The following RGS7BP variants were observed in gnomAD, a reference collection of about 807,000 sequenced individuals.
RGS7BP encodes the protein regulator of G protein signaling 7 binding protein, also known as regulator of G protein signaling 7-binding protein.
A neutral mutation model predicts 31.3 loss-of-function variants in RGS7BP; 9 were observed. The ratio of observed to expected loss-of-function variants is 0.29; its 90% confidence interval spans 0.17 to 0.50. RGS7BP has a LOEUF of 0.50. Among genes scored for constraint, RGS7BP ranks in the 20% least tolerant of loss-of-function variants. RGS7BP has a pLI of 0.98. For synonymous variants in RGS7BP, 115 were observed against 120.1 expected, an observed-to-expected ratio of 0.96 and a Z score of 0.28; for missense variants, 274 against 322.0, an observed-to-expected ratio of 0.85 and a Z score of 1.14.
chr5:64,528,470 G>A (rs935146625), intron 2 of RGS7BP, among the ~76,000 whole-genome samples: 1 of 152,096 alleles, frequency 6.6e-6, no homozygotes, highest in Non-Finnish European at 1.5e-5. Flanking sequence ...TAACAAACAT[G>A]TGACTTCAGA....
chr5:64,560,953 T>C lies in RGS7BP; in HGVS notation c.333-14821T>C, dbSNP rs540401739. ...TTTTCCCTTAATGCATTCATTTTTG[T>C]GTGTGCAGAAAAGAGCACAAAAAGT... On this transcript the variant is annotated intron_variant, in intron 2 of 5. Coordinates refer to ENST00000334025, the MANE Select transcript of RGS7BP (RefSeq NM_001029875.3). Among the ~76,000 whole-genome samples, 270 of 152,262 alleles carry C rather than the reference T, an allele frequency of 1.8e-3. 1 individual carries two copies. The highest frequency in any genetic ancestry group is 6.4e-3 in the African/African-American group (268 of 41,574).
intron 2 of RGS7BP, among the ~76,000 whole-genome samples, chr5:64,569,422 T>G (rs1742253841): frequency 6.6e-6 from 1 of 152,276 alleles, no homozygotes; most frequent in African/African-American, 2.4e-5. Context: ...GAAAAATGTC[T>G]TATTTCTATT....
chr5:64,577,187 C>T (rs1204746171), intron 3 of RGS7BP, among the ~76,000 whole-genome samples: 1 of 152,108 alleles, frequency 6.6e-6, no homozygotes, highest in Non-Finnish European at 1.5e-5. Context: ...GCCTGTAATC[C>T]CAGCGCTTTG....
At chr5:64,561,184 T>G (rs902030308) in intron 2 of RGS7BP, among the ~76,000 whole-genome samples, 1 of 152,100 alleles carries the variant, frequency 6.6e-6, no homozygotes, top group African/African-American at 2.4e-5. Context: ...TCCTCTGAGC[T>G]AGGCAGAAAA....
At chr5:64,544,182 G>A (rs1019105952) in intron 2 of RGS7BP, among the ~76,000 whole-genome samples, 1 of 152,226 alleles carries the variant, frequency 6.6e-6, no homozygotes, top group Non-Finnish European at 1.5e-5. Flanking sequence ...ACAAAAGTGA[G>A]CAAGACACAG....
chr5:64,516,405 T>A (rs1319127063), intron 2 of RGS7BP, among the ~76,000 whole-genome samples: 1 of 152,184 alleles, frequency 6.6e-6, no homozygotes, highest in Non-Finnish European at 1.5e-5. Flanking sequence ...CACCTGTTAG[T>A]TCACAGATGT....
intron 3 of RGS7BP, among the ~76,000 whole-genome samples, chr5:64,582,871 C>G (rs1321785798): frequency 6.6e-6 from 1 of 152,018 alleles, no homozygotes; most frequent in Non-Finnish European, 1.5e-5. Flanking sequence ...ATAAAAGAAG[C>G]CAGCAAAATA....
chr5:64,537,175 T>C (rs1580408162), intron 2 of RGS7BP, among the ~76,000 whole-genome samples: 2 of 152,320 alleles, frequency 1.3e-5, no homozygotes, highest in East Asian at 3.9e-4. Flanking sequence ...AGTCCAGGGG[T>C]GTCCAATCTT....
Position 64,609,508 on chromosome 5 carries a change from C to A in RGS7BP, c.*256C>A. ...TTAAAGCTGACATTGTGCATGTCTG[C>A]TCCAAACCACGCCATGACAGATGCA... On this transcript the variant is annotated 3_prime_UTR_variant, in exon 6 of 6. Transcript: ENST00000334025. 1 of 464,270 alleles carries A rather than the reference C, an allele frequency of 2.2e-6. No homozygotes were observed. Among genetic ancestry groups the A allele is most frequent in the Non-Finnish European group, 3.9e-6 (1 of 255,192 alleles). The allele number at this position is 464,270 out of a possible 1,614,324, so 28.8% of individuals were successfully genotyped here.
At chr5:64,544,651 G>A (rs1741607023) in intron 2 of RGS7BP, among the ~76,000 whole-genome samples, 1 of 151,964 alleles carries the variant, frequency 6.6e-6, no homozygotes, top group South Asian at 2.1e-4. Context: ...TCCAGCCGGG[G>A]CAACCAAGCG....
rs1245583489 is a variant in RGS7BP at position 64,609,327 on chromosome 5, C to T, written c.*75C>T. 1.2e-6 allele frequency: 1 copy of T among 833,046 alleles called. No individual in the cohort carries two copies. The highest frequency in any genetic ancestry group is 2.4e-5 in the East Asian group (1 of 41,148). The allele number at this position is 833,046 out of a possible 1,614,324, so 51.6% of individuals were successfully genotyped here. A position where few individuals can be genotyped will look rare whatever the true frequency, so the allele number is the denominator to read the frequency against. ...ACCCGAGGACCTCCAGACAGCTGAA[C>T]CACACAGTTATTGGTTTTTGACTAT... On this transcript the variant is annotated 3_prime_UTR_variant, in exon 6 of 6. Coordinates refer to ENST00000334025, the MANE Select transcript of RGS7BP (RefSeq NM_001029875.3).
chr5:64,590,537 A>C (rs540927895), intron 3 of RGS7BP, among the ~76,000 whole-genome samples: 11 of 152,310 alleles, frequency 7.2e-5, no homozygotes, highest in Admixed American at 3.3e-4. Context: ...ATCAAAATTA[A>C]TGTAAGAAGA....
chr5:64,530,627 A>G (rs1303400776), intron 2 of RGS7BP, among the ~76,000 whole-genome samples: 1 of 152,190 alleles, frequency 6.6e-6, no homozygotes, highest in African/African-American at 2.4e-5. Context: ...AGTACAAATC[A>G]TGTCTAAATG....
chr5:64,511,924 T>C (rs1228212572), intron 2 of RGS7BP, among the ~76,000 whole-genome samples: 2 of 152,208 alleles, frequency 1.3e-5, no homozygotes, highest in Non-Finnish European at 2.9e-5. Context: ...ATGTCCAGAC[T>C]GTCAATGGCA....
chr5:64,545,049 A>G (rs958403093), intron 2 of RGS7BP, among the ~76,000 whole-genome samples: 1 of 151,638 alleles, frequency 6.6e-6, no homozygotes. Context: ...GGTGGTGGGC[A>G]CCTGTAGTCC....
At chr5:64,605,014 A>T (rs1743317343) in intron 5 of RGS7BP, among the ~76,000 whole-genome samples, 2 of 152,088 alleles carry the variant, frequency 1.3e-5, no homozygotes, top group South Asian at 4.1e-4. Flanking sequence ...TCCAAAAATA[A>T]ATAAAATTTT....
intron 2 of RGS7BP, among the ~76,000 whole-genome samples, chr5:64,521,174 T>C (rs1345283424): frequency 6.6e-6 from 1 of 152,234 alleles, no homozygotes; most frequent in Non-Finnish European, 1.5e-5. Flanking sequence ...AAGTGTTCCA[T>C]TTTGGCATGG....
chr5:64,598,240 G>A (rs1300333322), intron 4 of RGS7BP, 125 bp from the exon 5 acceptor site: 1 of 626,422 alleles, frequency 1.6e-6, no homozygotes, highest in Admixed American at 2.7e-5. Flanking sequence ...TTTGCCTACT[G>A]GAAACTAGAG....
chr5:64,553,374 A>T (rs975453952), intron 2 of RGS7BP, among the ~76,000 whole-genome samples: 6 of 151,712 alleles, frequency 4.0e-5, no homozygotes, highest in African/African-American at 1.5e-4. Context: ...GTTTCACCAC[A>T]TTGGCCAGGC....
Sources: gnomAD v4.1 joint callset for allele counts (sites outside exome capture counted in the v4.1 genomes callset) on GRCh38, gnomAD v4.1.1 for gene constraint, MANE v1.5 for transcripts, NCBI Gene and HGNC (gene_info 2026-07-23, HGNC 2026-07-21) for gene names.